RREB1: variants seen among roughly 807,000 people sequenced by gnomAD.
The protein encoded by RREB1 is ras-responsive element-binding protein 1.
Under a neutral mutation model 117.8 loss-of-function variants are expected in RREB1, and 27 were observed. That is an observed-to-expected ratio of 0.23 (90% CI 0.17 to 0.32). RREB1 has a LOEUF of 0.32. Among genes scored for constraint, RREB1 ranks in the 10% least tolerant of loss-of-function variants. RREB1 has a pLI of 1.00. For missense variants in RREB1, 2,577 were observed against 2,378.2 expected (o/e 1.08, Z -1.74); for synonymous variants, 1,298 against 1,026.7 (o/e 1.26, Z -5.05).
intron 1 of RREB1, among the ~76,000 whole-genome samples, chr6:7,145,597 G>A (rs1423876256): frequency 1.3e-5 from 2 of 152,016 alleles, no homozygotes; most frequent in African/African-American, 4.8e-5. Context: ...CGTGAAAACT[G>A]GACCTAGCTC....
At position 7,119,138 on chromosome 6, in the gene RREB1, C is replaced by T. The variant is rs191188249; in HGVS notation, c.-285+11078C>T. 2.4e-4 allele frequency among the ~76,000 whole-genome samples: 36 copies of T among 152,034 alleles called. 1 individual carries two copies. Among genetic ancestry groups the T allele is most frequent in the Admixed American group, 2.1e-3 (32 of 15,280 alleles). On this transcript the variant is annotated intron_variant, in intron 1 of 12. Transcript: ENST00000379938. ...GCGTGGTGGTTCACGCCTGTAATCC[C>T]AGCACTTTGGGAGACCAGCCTGGCT...
At chr6:7,172,399 T>TC (rs1383683175) in intron 1 of RREB1, among the ~76,000 whole-genome samples, 1 of 151,576 alleles carries the variant, frequency 6.6e-6, no homozygotes, top group Non-Finnish European at 1.5e-5. Context: ...AAGGGATGCA[T>TC]CCCCCCACCC....
intron 4 of RREB1, among the ~76,000 whole-genome samples, chr6:7,186,663 A>G (rs1171452475): frequency 1.3e-5 from 2 of 152,244 alleles, no homozygotes; most frequent in Non-Finnish European, 1.5e-5. Context: ...GCATAGGGTT[A>G]GTGAACGACA....
intron 1 of RREB1, among the ~76,000 whole-genome samples, chr6:7,153,108 T>C (rs1763194125): frequency 6.7e-6 from 1 of 149,014 alleles, no homozygotes; most frequent in South Asian, 2.1e-4. Context: ...TGAGAGGGTT[T>C]TTTTTTTTTT....
rs775426589 is a variant in RREB1 at position 7,226,437 on chromosome 6, G to A, written c.708-30G>A. The A allele has an allele frequency of 5.8e-6, 9 of 1,559,292 alleles. No individual in the cohort carries two copies. The Admixed American group carries it at 1.6e-4, about 28-fold the overall frequency. ...GCTTCCTCATATGCTCTCCCTTTCT[G>A]CCTCATATGTTCTCCCTTTCCTCTC... On this transcript the variant is annotated intron_variant, in intron 8 of 12. Transcript: ENST00000379938.
chr6:7,135,805 C>T (rs779450663), intron 1 of RREB1, among the ~76,000 whole-genome samples: 39 of 152,118 alleles, frequency 2.6e-4, no homozygotes, highest in Non-Finnish European at 5.1e-4. Context: ...GGGGACTTAG[C>T]AAAACAGGTA....
At chr6:7,245,838 C>T (rs981893376) in intron 11 of RREB1, among the ~76,000 whole-genome samples, 1 of 152,208 alleles carries the variant, frequency 6.6e-6, no homozygotes, top group Non-Finnish European at 1.5e-5. Flanking sequence ...TACAAGCTTG[C>T]CTGCGCCCCC....
At chr6:7,245,982 T>C (rs1768989881) in intron 11 of RREB1, among the ~76,000 whole-genome samples, 1 of 152,010 alleles carries the variant, frequency 6.6e-6, no homozygotes, top group Non-Finnish European at 1.5e-5. Context: ...GGGGTAGGGG[T>C]GGTCCTGTGT....
chr6:7,108,479 G>A (rs1760945863), intron 1 of RREB1, among the ~76,000 whole-genome samples: 1 of 151,868 alleles, frequency 6.6e-6, no homozygotes, highest in Non-Finnish European at 1.5e-5. Context: ...GGCCCGACCC[G>A]CGCCGCCGAG....
At chr6:7,132,386 G>C (rs1424798845) in intron 1 of RREB1, among the ~76,000 whole-genome samples, 4 of 152,074 alleles carry the variant, frequency 2.6e-5, no homozygotes, top group African/African-American at 9.7e-5. Flanking sequence ...GCCCAGTCTG[G>C]TCTCCTGGGC....
At position 7,112,910 on chromosome 6, in the gene RREB1, G is replaced by A. The variant is rs138413200; in HGVS notation, c.-285+4850G>A. 3.1e-3 allele frequency among the ~76,000 whole-genome samples: 467 copies of A among 152,314 alleles called. 1 individual carries two copies. The highest frequency in any genetic ancestry group is 0.011 in the African/African-American group (439 of 41,560). ...GGATTGCACTCTGCCGTTGGCAGTG[G>A]CGGGTTGGGGTGAAGCGGATGGGGA... On this transcript the variant is annotated intron_variant, in intron 1 of 12. Transcript: ENST00000379938.
intron 1 of RREB1, among the ~76,000 whole-genome samples, chr6:7,164,932 T>C (rs533753875): frequency 6.6e-6 from 1 of 152,380 alleles, no homozygotes; most frequent in East Asian, 1.9e-4. Flanking sequence ...AGAATAGTAG[T>C]GTAAACTACA....
At chr6:7,225,471 A>G (rs940532489) in intron 8 of RREB1, among the ~76,000 whole-genome samples, 8 of 152,150 alleles carry the variant, frequency 5.3e-5, no homozygotes, top group African/African-American at 1.7e-4. Context: ...TTTTGTTTTT[A>G]TCCACCCATC....
rs533678775 is a variant in RREB1, at chr6:7,158,219, G to A, written c.-284-18436G>A. ...CAGGACACTTGCCTGTGGCCAGAGC[G>A]ACTCTCTTCCTTTCTGCCCTTTCCA... On this transcript the variant is annotated intron_variant, in intron 1 of 12. Transcript: ENST00000379938. Among the ~76,000 whole-genome samples, 3 of 152,108 alleles carry A rather than the reference G, an allele frequency of 2.0e-5. No individual in the cohort carries two copies. The South Asian group carries it at 6.2e-4, about 32-fold the overall frequency.
chr6:7,225,605 T>G (rs968643684), intron 8 of RREB1, among the ~76,000 whole-genome samples: 2 of 152,144 alleles, frequency 1.3e-5, no homozygotes, highest in African/African-American at 2.4e-5. Flanking sequence ...CCCAGAACAT[T>G]TAGGATGTCA....
At chr6:7,240,152 T>A (rs540092281) in intron 10 of RREB1, among the ~76,000 whole-genome samples, 1 of 152,372 alleles carries the variant, frequency 6.6e-6, no homozygotes, top group South Asian at 2.1e-4. Flanking sequence ...GTCGTTAATA[T>A]TTTAATTGTA....
chr6:7,240,647 G>A (rs1211588065), intron 11 of RREB1, 45 bp downstream of exon 11: 1 of 1,573,788 alleles, frequency 6.4e-7, no homozygotes. Context: ...GGGAGAGAGA[G>A]GAGTTCGGTT....
chr6:7,108,231 C>A (rs1241148184), intron 1 of RREB1, among the ~76,000 whole-genome samples, 171 bp downstream of exon 1: 1 of 152,096 alleles, frequency 6.6e-6, no homozygotes, highest in Non-Finnish European at 1.5e-5. Flanking sequence ...CCGCACGCCC[C>A]ACTCCGCGCA....
At chr6:7,173,397 G>A (rs1391667905) in intron 1 of RREB1, among the ~76,000 whole-genome samples, 1 of 152,008 alleles carries the variant, frequency 6.6e-6, no homozygotes, top group East Asian at 1.9e-4. Context: ...CACGGCTGAG[G>A]TAGGAGAATC....
Sources: allele counts gnomAD v4.1 joint callset (sites outside exome capture counted in the v4.1 genomes callset), GRCh38; gene constraint gnomAD v4.1.1; transcripts MANE v1.5; gene names NCBI Gene and HGNC (gene_info 2026-07-23, HGNC 2026-07-21).